Variants in NUFIP1 observed in about 807,000 individuals in gnomAD.
The protein encoded by NUFIP1 is FMR1-interacting protein NUFIP1.
A neutral mutation model predicts 56.2 loss-of-function variants in NUFIP1; 38 were observed. The observed-to-expected ratio is 0.68, with a 90% CI of 0.52 to 0.89. The LOEUF is 0.89. Ranked by LOEUF, NUFIP1 falls within the 40% of genes least tolerant of loss-of-function variation. The pLI, the probability that NUFIP1 is intolerant of heterozygous loss-of-function variation, is 0.00. For missense variants in NUFIP1, 567 were observed against 605.8 expected (o/e 0.94, Z 0.67); for synonymous variants, 215 against 212.4 (o/e 1.01, Z -0.10).
At chr13:44,948,094 G>A (rs1351402061) in intron 8 of NUFIP1, among the ~76,000 whole-genome samples, 1 of 149,626 alleles carries the variant, frequency 6.7e-6, no homozygotes, top group African/African-American at 2.5e-5. Context: ...ATTATCTCTA[G>A]CCTAGTCAAC....
At chr13:44,958,872 A>C (rs749792256) in intron 7 of NUFIP1, among the ~76,000 whole-genome samples, 1 of 152,236 alleles carries the variant, frequency 6.6e-6, no homozygotes, top group Non-Finnish European at 1.5e-5. Flanking sequence ...AACTTGCCCT[A>C]TATGTTTTAG....
chr13:44,975,401 A>G (rs1871937010), intron 5 of NUFIP1, among the ~76,000 whole-genome samples: 3 of 152,118 alleles, frequency 2.0e-5, no homozygotes. Context: ...CACCTCAGTA[A>G]TAAGAACCAC....
intron 1 of NUFIP1, among the ~76,000 whole-genome samples, chr13:44,988,605 A>G (rs547905806): frequency 6.6e-6 from 1 of 152,288 alleles, no homozygotes; most frequent in East Asian, 1.9e-4. Flanking sequence ...GCTCCATAAT[A>G]TTTTTTGTAT....
chr13:44,983,484 T>A (rs1449290631), intron 1 of NUFIP1, among the ~76,000 whole-genome samples: 4 of 146,814 alleles, frequency 2.7e-5, no homozygotes, highest in African/African-American at 1.0e-4. Context: ...GCCCCCCGTC[T>A]CAAATAAAAA....
rs139580276 is a variant in NUFIP1 at position 44,970,876 on chromosome 13, A to G, written c.735-4940T>C. On this transcript the variant is annotated intron_variant, in intron 5 of 9. Transcript: ENST00000379161. Reference sequence around the variant, plus strand: ...TTTTTAGTAGAGATAGGGTTTCGCCATGTTGGCCAGGCTGGTCTCAAACTC... The same window carrying G: ...TTTTTAGTAGAGATAGGGTTTCGCCGTGTTGGCCAGGCTGGTCTCAAACTC... Among the ~76,000 whole-genome samples, 11 of 152,168 alleles carry G rather than the reference A, an allele frequency of 7.2e-5. No individual in the cohort carries two copies. The East Asian group carries it at 2.1e-3, about 29-fold the overall frequency.
In NUFIP1 at chr13:44,941,152, C is replaced by A. The variant is rs749616427; in HGVS notation, c.*54G>T. 27 of 896,098 alleles carry A rather than the reference C, an allele frequency of 3.0e-5. No individual in the cohort carries two copies. Among genetic ancestry groups the A allele is most frequent in the Non-Finnish European group, 4.7e-5 (27 of 569,978 alleles). 55.5% of individuals were successfully genotyped at this position (896,098 alleles called of 1,614,324 possible). A position where few individuals can be genotyped will look rare whatever the true frequency, so the allele number is the denominator to read the frequency against. ...AAGGGTTTTGGTTTTCCTCTACTAA[C>A]GAGGATGATACTGTTTCACATGCTT... On this transcript the variant is annotated 3_prime_UTR_variant, in exon 10 of 10. Coordinates refer to ENST00000379161, the MANE Select transcript of NUFIP1 (RefSeq NM_012345.3).
chr13:44,961,125 C>T (rs916010061), intron 6 of NUFIP1, among the ~76,000 whole-genome samples: 9 of 149,444 alleles, frequency 6.0e-5, no homozygotes, highest in South Asian at 2.1e-4. Context: ...TGTGTGTGTG[C>T]GGGGGCGGGG....
At chr13:44,985,566 G>T (rs768527911) in intron 1 of NUFIP1, among the ~76,000 whole-genome samples, 2 of 152,084 alleles carry the variant, frequency 1.3e-5, no homozygotes, top group Non-Finnish European at 2.9e-5. Context: ...GGTGATTCTC[G>T]AAATATTTCA....
chr13:44,943,545 C>G lies in NUFIP1; in HGVS notation c.1268G>C (p.Arg423Pro), dbSNP rs750091519. The change falls in exon 9 of 10, where the codon CGA becomes CCA. Residue 423 changes from arginine to proline, a missense_variant. By Grantham distance (103) the Arg-to-Pro change is moderately radical. Transcript: ENST00000379161. ...RNFSEAKSEN[R>P]KKSFEKTNPK... Reference sequence around the variant, plus strand: ...GTTTGTTTTTTCAAAGCTTTTCTTTCGGTTCTCACTCTTGGCTTCTGAAAA... The same window carrying G: ...GTTTGTTTTTTCAAAGCTTTTCTTTGGGTTCTCACTCTTGGCTTCTGAAAA... 3.1e-6 allele frequency: 5 copies of G among 1,614,062 alleles called. No individual in the cohort carries two copies. The highest frequency in any genetic ancestry group is 4.2e-6 in the Non-Finnish European group (5 of 1,179,984).
At position 44,965,940 on chromosome 13, in the gene NUFIP1, G is replaced by C; in HGVS notation, c.735-4C>G. ...ATTGGCCAGAGTTGGATAGTTTCTA[G>C]AAAATAATAAAAGTTAATTATAATA... On this transcript the variant is annotated splice_region_variant and splice_polypyrimidine_tract_variant and intron_variant, in intron 5 of 9. Coordinates refer to ENST00000379161, the MANE Select transcript of NUFIP1 (RefSeq NM_012345.3). The C allele has an allele frequency of 1.3e-6, 2 of 1,512,590 alleles. No individual in the cohort carries two copies. Among genetic ancestry groups the C allele is most frequent in the Non-Finnish European group, 1.8e-6 (2 of 1,119,732 alleles). The allele number at this position is 1,512,590 out of a possible 1,614,324, so 93.7% of individuals were successfully genotyped here.
Position 44,943,520 on chromosome 13 carries a change from G to T in NUFIP1, c.1293C>A (p.Asn431Lys). 4 of 1,614,046 alleles carry T rather than the reference G, an allele frequency of 2.5e-6. No individual in the cohort carries two copies. The highest frequency in any genetic ancestry group is 3.4e-6 in the Non-Finnish European group (4 of 1,180,008). The change falls in exon 9 of 10, where the codon AAC (asparagine) becomes AAA (lysine). Residue 431 changes from asparagine to lysine, a missense_variant. Physicochemically the swap from Asn to Lys is moderately conservative, Grantham distance 94. Transcript: ENST00000379161. ...ENRKKSFEKTNPKRKKDYHNY... is the reference protein window; with the variant it reads ...ENRKKSFEKTKPKRKKDYHNY... Reference sequence around the variant, plus strand: ...TGTGATAATCTTTTTTCCTCTTAGGGTTTGTTTTTTCAAAGCTTTTCTTTC... The same window carrying T: ...TGTGATAATCTTTTTTCCTCTTAGGTTTTGTTTTTTCAAAGCTTTTCTTTC...
chr13:44,985,083 G>A (rs571590960), intron 1 of NUFIP1, among the ~76,000 whole-genome samples: 1 of 152,276 alleles, frequency 6.6e-6, no homozygotes, highest in East Asian at 1.9e-4. Context: ...CTGCAAAGTT[G>A]GAGAATGGTT....
chr13:44,962,045 T>C (rs377146854), intron 6 of NUFIP1, among the ~76,000 whole-genome samples: 1 of 152,060 alleles, frequency 6.6e-6, no homozygotes, highest in African/African-American at 2.4e-5. Flanking sequence ...AAAGGCATAA[T>C]GTAAATAAAA....
chr13:44,965,335 T>C (rs896344503), intron 6 of NUFIP1, among the ~76,000 whole-genome samples: 2 of 152,214 alleles, frequency 1.3e-5, no homozygotes, highest in Non-Finnish European at 2.9e-5. Flanking sequence ...CTCGGGTATG[T>C]CTTTATCAGC....
At chr13:44,970,425 T>C (rs565711169) in intron 5 of NUFIP1, among the ~76,000 whole-genome samples, 82 of 152,362 alleles carry the variant, frequency 5.4e-4, no homozygotes, top group Non-Finnish European at 1.0e-3. Flanking sequence ...ATTCTTACTC[T>C]GTGAAATCTT....
intron 7 of NUFIP1, among the ~76,000 whole-genome samples, chr13:44,950,606 C>T: frequency 6.6e-6 from 1 of 152,152 alleles, no homozygotes; most frequent in East Asian, 1.9e-4. Context: ...CCTTGGCCTC[C>T]CAAAGTGCTG....
chr13:44,950,087 C>G (rs1871040294), intron 7 of NUFIP1, among the ~76,000 whole-genome samples: 1 of 152,154 alleles, frequency 6.6e-6, no homozygotes, highest in Non-Finnish European at 1.5e-5. Context: ...ACTTAGCATG[C>G]TTCACAGGTT....
intron 2 of NUFIP1, 101 bp downstream of exon 2, chr13:44,981,971 T>C: frequency 2.5e-6 from 1 of 408,146 alleles, no homozygotes; most frequent in Non-Finnish European, 4.2e-6. Flanking sequence ...ACTGTGTCAA[T>C]AATGGAAGCA....
At chr13:44,962,654 G>A (rs931521013) in intron 6 of NUFIP1, among the ~76,000 whole-genome samples, 13 of 152,150 alleles carry the variant, frequency 8.5e-5, no homozygotes, top group Non-Finnish European at 1.5e-4. Flanking sequence ...TACAATGTTT[G>A]TAATGTCTAC....
Sources: gnomAD v4.1 joint callset for allele counts (sites outside exome capture counted in the v4.1 genomes callset) on GRCh38, gnomAD v4.1.1 for gene constraint, MANE v1.5 for transcripts, NCBI Gene and HGNC (gene_info 2026-07-23, HGNC 2026-07-21) for gene names.